Variants in ANKS1B observed in about 807,000 individuals in gnomAD.
ANKS1B encodes ankyrin repeat and sterile alpha motif domain-containing protein 1B.
A neutral mutation model predicts 148.3 loss-of-function variants in ANKS1B; 36 were observed. That is an observed-to-expected ratio of 0.24 (90% CI 0.19 to 0.32). ANKS1B has a LOEUF of 0.32. Among genes scored for constraint, ANKS1B ranks in the 10% least tolerant of loss-of-function variants. ANKS1B has a pLI of 1.00. For missense variants in ANKS1B, 1,157 were observed against 1,542.6 expected (o/e 0.75, Z 4.19); for synonymous variants, 542 against 560.8 (o/e 0.97, Z 0.47).
chr12:99,770,225 GAGTA>G (rs200135046), intron 8 of ANKS1B, among the ~76,000 whole-genome samples: 2,006 of 152,220 alleles, frequency 0.013, 22 homozygotes, highest in South Asian at 0.038. Flanking sequence ...AGCAAAAACT[GAGTA>G]AGTGTCAGTT....
At chr12:99,125,885 C>T (rs140889610) in intron 15 of ANKS1B, among the ~76,000 whole-genome samples, 27 of 151,770 alleles carry the variant, frequency 1.8e-4, no homozygotes, top group African/African-American at 5.8e-4. Flanking sequence ...CCAGATATTT[C>T]TGTCTATAAA....
At chr12:99,622,989 T>A (rs2098072287) in intron 9 of ANKS1B, among the ~76,000 whole-genome samples, 1 of 152,030 alleles carries the variant, frequency 6.6e-6, no homozygotes, top group Non-Finnish European at 1.5e-5. Context: ...CAAACATAGA[T>A]GTAAAAATGC....
intron 17 of ANKS1B, among the ~76,000 whole-genome samples, chr12:98,835,427 A>G (rs749585478): frequency 5.9e-5 from 9 of 152,218 alleles, no homozygotes; most frequent in Non-Finnish European, 1.2e-4. Context: ...CCTGGCCCAG[A>G]AGAACAAGGA....
At chr12:98,889,356 T>A (rs10860378) in intron 17 of ANKS1B, among the ~76,000 whole-genome samples, 3,078 of 144,146 alleles carry the variant, frequency 0.021, 82 homozygotes, top group African/African-American at 0.064. Context: ...TTTTATTTTT[T>A]TTTTTTTTGA....
chr12:99,507,637 T>A (rs1261889387), intron 9 of ANKS1B, among the ~76,000 whole-genome samples: 1 of 151,852 alleles, frequency 6.6e-6, no homozygotes, highest in Non-Finnish European at 1.5e-5. Flanking sequence ...TAATTTCTTC[T>A]TAGAATGTAA....
At chr12:99,718,302 T>C (rs1206083600) in intron 8 of ANKS1B, among the ~76,000 whole-genome samples, 1 of 152,174 alleles carries the variant, frequency 6.6e-6, no homozygotes, top group Non-Finnish European at 1.5e-5. Context: ...TGACTATTCC[T>C]GGACTACAGC....
intron 10 of ANKS1B, among the ~76,000 whole-genome samples, chr12:99,464,556 T>C (rs12315771): frequency 0.054 from 8,237 of 152,046 alleles, 768 homozygotes; most frequent in African/African-American, 0.19. Context: ...AAAATTTAGA[T>C]GAATGTATAA....
intron 17 of ANKS1B, among the ~76,000 whole-genome samples, chr12:98,969,002 A>T (rs1390122365): frequency 1.3e-5 from 2 of 152,182 alleles, no homozygotes; most frequent in African/African-American, 2.4e-5. Flanking sequence ...TGTTCTAATG[A>T]TGCGTTGGTT....
chr12:99,589,212 A>C (rs1306663048), intron 9 of ANKS1B, among the ~76,000 whole-genome samples: 4 of 152,230 alleles, frequency 2.6e-5, no homozygotes, highest in African/African-American at 9.6e-5. Flanking sequence ...TCAAAGGTGA[A>C]TGGAACATGG....
At chr12:99,595,775 T>C (rs796154504) in intron 9 of ANKS1B, among the ~76,000 whole-genome samples, 1 of 151,984 alleles carries the variant, frequency 6.6e-6, no homozygotes. Context: ...ATATGCTTTG[T>C]GCATAGTACA....
At chr12:99,673,674 C>A (rs2098548858) in intron 8 of ANKS1B, among the ~76,000 whole-genome samples, 1 of 151,716 alleles carries the variant, frequency 6.6e-6, no homozygotes, top group African/African-American at 2.4e-5. Flanking sequence ...ATACATTTAT[C>A]CTATTTGAAA....
At chr12:99,265,165 G>A (rs1392007258) in intron 12 of ANKS1B, among the ~76,000 whole-genome samples, 1 of 152,112 alleles carries the variant, frequency 6.6e-6, no homozygotes, top group East Asian at 1.9e-4. Flanking sequence ...GGACAGTACA[G>A]GTCTATAGCA....
At chr12:99,712,966 T>C (rs1024462970) in intron 8 of ANKS1B, among the ~76,000 whole-genome samples, 5 of 152,322 alleles carry the variant, frequency 3.3e-5, no homozygotes, top group Admixed American at 6.5e-5. Flanking sequence ...GTTTTCTAAC[T>C]GGAGAATTTT....
At chr12:99,072,536 G>T (rs1220584196) in intron 16 of ANKS1B, among the ~76,000 whole-genome samples, 1 of 152,030 alleles carries the variant, frequency 6.6e-6, no homozygotes, top group Non-Finnish European at 1.5e-5. Flanking sequence ...TATTTTTTGA[G>T]CCCCTGCAAG....
At chr12:99,563,238 T>C (rs1163337643) in intron 9 of ANKS1B, among the ~76,000 whole-genome samples, 1 of 152,218 alleles carries the variant, frequency 6.6e-6, no homozygotes, top group Non-Finnish European at 1.5e-5. Flanking sequence ...AACTTTTCCT[T>C]TGCGTTTACA....
rs146401129 is a variant in ANKS1B, at chr12:99,752,620, A to G, written c.1128+20302T>C. Among the ~76,000 whole-genome samples the G allele has an allele frequency of 1.8e-4, 27 of 152,074 alleles. No homozygotes were observed. In the East Asian group the frequency reaches 4.5e-3, roughly 25 times the overall value. On this transcript the variant is annotated intron_variant, in intron 8 of 26. Transcript: ENST00000683438. ...ATCATAATGTGTATTTTATGTTTATATTTTTATGTTTTGTAGGATATTGAT... is the reference window on the plus strand; with the variant it reads ...ATCATAATGTGTATTTTATGTTTATGTTTTTATGTTTTGTAGGATATTGAT...
In ANKS1B at chr12:99,471,764, C is replaced by T. The variant is rs1414654248; in HGVS notation, c.1439-27955G>A. On this transcript the variant is annotated intron_variant, in intron 10 of 26. Coordinates refer to ENST00000683438, the MANE Select transcript of ANKS1B (RefSeq NM_001352186.2). ...TAAAAAATATGTTGCTGCTACTCTT[C>T]CAAATATACTTAAAACTCTGACATG... Among the ~76,000 whole-genome samples, 3 of 151,976 alleles carry T rather than the reference C, an allele frequency of 2.0e-5. No homozygotes were observed. In the East Asian group the frequency reaches 5.8e-4, roughly 29 times the overall value.
At chr12:99,362,611 G>A (rs1393458636) in intron 12 of ANKS1B, among the ~76,000 whole-genome samples, 1 of 151,888 alleles carries the variant, frequency 6.6e-6, no homozygotes, top group Non-Finnish European at 1.5e-5. Context: ...ACAAGAACTT[G>A]AATTTTTTAT....
At chr12:99,720,933 A>AGAGTT (rs2058023500) in intron 8 of ANKS1B, among the ~76,000 whole-genome samples, 1 of 152,196 alleles carries the variant, frequency 6.6e-6, no homozygotes, top group East Asian at 1.9e-4. Context: ...AAGTAAATAA[A>AGAGTT]TAATCTTTGC....
Sources: gnomAD v4.1 joint callset for allele counts (sites outside exome capture counted in the v4.1 genomes callset) on GRCh38, gnomAD v4.1.1 for gene constraint, MANE v1.5 for transcripts, NCBI Gene and HGNC (gene_info 2026-07-23, HGNC 2026-07-21) for gene names.